The following RBFOX1 variants were observed in gnomAD, a reference collection of about 807,000 sequenced individuals.
RBFOX1 encodes RNA binding fox-1 homolog 1.
In RBFOX1, 8 loss-of-function variants were observed where a neutral mutation model predicts 57.7. The ratio of observed to expected loss-of-function variants is 0.14; its 90% CI spans 0.08 to 0.25. RBFOX1 has a LOEUF of 0.25. RBFOX1 is among the 10% of genes least tolerant of loss of function. The probability of loss-of-function intolerance (pLI) is 1.00; values close to 1 mark genes in which losing one functional copy is unlikely to be tolerated. For missense variants in RBFOX1, 611 were observed against 548.5 expected (o/e 1.11, Z -1.14); for synonymous variants, 326 against 222.4 (o/e 1.47, Z -4.15).
At chr16:7,075,146 C>A (rs1162521479) in intron 4 of RBFOX1, among the ~76,000 whole-genome samples, 1 of 152,212 alleles carries the variant, frequency 6.6e-6, no homozygotes, top group East Asian at 1.9e-4. Flanking sequence ...GTTGATCTTA[C>A]TACAGACAAG....
chr16:6,554,313 C>T (rs981900438), intron 2 of RBFOX1, among the ~76,000 whole-genome samples: 1 of 152,114 alleles, frequency 6.6e-6, no homozygotes, highest in African/African-American at 2.4e-5. Context: ...AGGTTCTGCT[C>T]CCATCCCCGT....
intron 4 of RBFOX1, among the ~76,000 whole-genome samples, chr16:7,396,571 A>T (rs1206028441): frequency 6.6e-6 from 1 of 152,064 alleles, no homozygotes; most frequent in Non-Finnish European, 1.5e-5. Context: ...CTCATTCTGG[A>T]CTTAACGTTA....
At chr16:7,190,821 G>T (rs1359710257) in intron 4 of RBFOX1, among the ~76,000 whole-genome samples, 1 of 152,124 alleles carries the variant, frequency 6.6e-6, no homozygotes, top group Non-Finnish European at 1.5e-5. Context: ...TAACAGTTAC[G>T]TTGAGCTTAT....
At chr16:5,377,285 C>A (rs1329261488) in intron 1 of RBFOX1, among the ~76,000 whole-genome samples, 1 of 151,418 alleles carries the variant, frequency 6.6e-6, no homozygotes, top group Non-Finnish European at 1.5e-5. Context: ...AAGGAAGCTG[C>A]AGGATGCGGA....
At chr16:6,574,663 C>G (rs865990270) in intron 2 of RBFOX1, among the ~76,000 whole-genome samples, 1 of 144,096 alleles carries the variant, frequency 6.9e-6, no homozygotes. Context: ...CTCCTGACCT[C>G]GTGATCCGCC....
In RBFOX1 at chr16:7,518,434, C is replaced by A. The variant is rs1449926856; in HGVS notation, c.270+45C>A. The A allele has an allele frequency of 3.8e-6, 6 of 1,561,190 alleles. No homozygotes were observed. In the African/African-American group the frequency reaches 5.4e-5, roughly 14 times the overall value. ...ACGGGTGGGAGGTTATGGGGAGGCG[C>A]CCCCAGCCCTGGTAATGGCAGCGGG... On this transcript the variant is annotated intron_variant, in intron 5 of 15. Transcript: ENST00000550418.
At chr16:7,115,372 C>G (rs1056284752) in intron 4 of RBFOX1, among the ~76,000 whole-genome samples, 9 of 152,174 alleles carry the variant, frequency 5.9e-5, no homozygotes, top group Non-Finnish European at 1.0e-4. Flanking sequence ...CTACATAGAG[C>G]TTATATTCTA....
chr16:6,582,516 C>T (rs1164971230), intron 2 of RBFOX1, among the ~76,000 whole-genome samples: 5 of 150,788 alleles, frequency 3.3e-5, no homozygotes, highest in Non-Finnish European at 7.4e-5. Flanking sequence ...CCTGACACTG[C>T]ATGTGGAGTC....
At chr16:7,597,291 C>T in intron 8 of RBFOX1, 80 bp from the exon 9 acceptor site, 1 of 1,008,104 alleles carries the variant, frequency 9.9e-7, no homozygotes, top group Non-Finnish European at 1.5e-6. Flanking sequence ...AATAAGTAAT[C>T]ACGGTCATAA....
chr16:6,818,619 C>G (rs766845784), intron 3 of RBFOX1, among the ~76,000 whole-genome samples: 1 of 152,186 alleles, frequency 6.6e-6, no homozygotes, highest in Non-Finnish European at 1.5e-5. Flanking sequence ...ATGTATCACT[C>G]AGCACCTGTG....
chr16:6,602,915 C>T (rs1480232559), intron 2 of RBFOX1, among the ~76,000 whole-genome samples: 3 of 152,154 alleles, frequency 2.0e-5, no homozygotes, highest in Non-Finnish European at 2.9e-5. Context: ...AATCCTGTCA[C>T]TAATAAAACG....
intron 3 of RBFOX1, among the ~76,000 whole-genome samples, chr16:6,661,285 A>C (rs776880367): frequency 1.3e-5 from 2 of 152,210 alleles, no homozygotes; most frequent in Admixed American, 6.5e-5. Context: ...CCATGTGCCT[A>C]ATTCCAGGCT....
chr16:6,040,413 G>A (rs2095423368), intron 1 of RBFOX1, among the ~76,000 whole-genome samples: 1 of 152,076 alleles, frequency 6.6e-6, no homozygotes, highest in African/African-American at 2.4e-5. Flanking sequence ...CTGTGTTTAT[G>A]ATTTTAACTA....
At chr16:7,122,451 AC>A (rs1031409707) in intron 4 of RBFOX1, among the ~76,000 whole-genome samples, 5 of 152,146 alleles carry the variant, frequency 3.3e-5, no homozygotes, top group Non-Finnish European at 7.4e-5. Flanking sequence ...TAAAAAAGAA[AC>A]AAAAAACCGT....
chr16:5,856,589 AT>A lies in RBFOX1; in HGVS notation c.319-10713del, dbSNP rs2057074965. On this transcript the variant is annotated intron_variant, in intron 3 of 19. Transcript: ENST00000641259. ...TGTGTGTGTGTGTATATATATATAT[AT>A]ATATATATATATATAATCTTAGCCA... Among the ~76,000 whole-genome samples, 14 of 80,378 alleles carry A rather than the reference AT, an allele frequency of 1.7e-4. 3 individuals are homozygous for A. The highest frequency in any genetic ancestry group is 2.9e-4 in the African/African-American group (7 of 24,520). 52.7% of individuals were successfully genotyped at this position (80,378 alleles called of 152,430 possible). A position where few individuals can be genotyped will look rare whatever the true frequency, so the allele number is the denominator to read the frequency against.
Position 7,028,586 on chromosome 16 carries a change from A to T in RBFOX1, c.-15-23471A>T, listed in dbSNP as rs978895987. ...TGGGCAATAAGAGTGAAACTCCCTC[A>T]CACACACACACACACACACACACAA... is the stretch of plus-strand genomic sequence containing the variant. On this transcript the variant is annotated intron_variant, in intron 3 of 15. Transcript: ENST00000550418. Among the ~76,000 whole-genome samples, 45 of 42,268 alleles carry T rather than the reference A, an allele frequency of 1.1e-3. 1 individual carries two copies. The highest frequency in any genetic ancestry group is 5.4e-3 in the African/African-American group (44 of 8,204). The allele number at this position is 42,268 out of a possible 152,430, so 27.7% of individuals were successfully genotyped here.
intron 2 of RBFOX1, among the ~76,000 whole-genome samples, chr16:6,647,179 G>T (rs908541180): frequency 6.6e-5 from 10 of 152,138 alleles, no homozygotes; most frequent in Non-Finnish European, 1.3e-4. Flanking sequence ...CTACCAGAGA[G>T]AGAGAGAGAG....
rs373434779 is a variant in RBFOX1, at chr16:6,208,075, C to T, written c.-126-108920C>T. Among the ~76,000 whole-genome samples, 37 of 151,450 alleles carry T rather than the reference C, an allele frequency of 2.4e-4. 1 individual carries two copies. The highest frequency in any genetic ancestry group is 7.3e-4 in the African/African-American group (30 of 41,128). On this transcript the variant is annotated intron_variant, in intron 1 of 15. Coordinates refer to ENST00000550418, the MANE Select transcript of RBFOX1 (RefSeq NM_018723.4). The stretch of plus-strand genomic sequence containing the variant: ...ATATGTGTGTATATATATAGTCTGG[C>T]GGTCAACAGTTCCTTTAATTTCTCT...
chr16:6,005,938 T>C (rs1266199784), intron 4 of RBFOX1, among the ~76,000 whole-genome samples: 1 of 152,174 alleles, frequency 6.6e-6, no homozygotes, highest in Non-Finnish European at 1.5e-5. Flanking sequence ...GAATGTGTCA[T>C]TCTTTGTGGG....
Sources: allele counts gnomAD v4.1 joint callset (sites outside exome capture counted in the v4.1 genomes callset), GRCh38; gene constraint gnomAD v4.1.1; transcripts MANE v1.5; gene names NCBI Gene and HGNC (gene_info 2026-07-23, HGNC 2026-07-21).